The following MGAT5B variants were observed in gnomAD, a reference collection of about 807,000 sequenced individuals.
MGAT5B encodes the protein alpha-1,6-mannosylglycoprotein 6-beta-N-acetylglucosaminyltransferase B.
Under a neutral mutation model 95.1 loss-of-function variants are expected in MGAT5B, and 54 were observed. The observed-to-expected ratio is 0.57, with a 90% CI of 0.46 to 0.71. MGAT5B has a LOEUF of 0.71. MGAT5B is among the 30% of genes least tolerant of loss of function. The pLI, the probability that MGAT5B is intolerant of heterozygous loss-of-function variation, is 0.00. For synonymous variants in MGAT5B, 464 were observed against 451.0 expected (o/e 1.03, Z -0.36); for missense variants, 935 against 1,088.6 (o/e 0.86, Z 1.99).
chr17:76,897,736 T>A (rs1364291854), intron 3 of MGAT5B, among the ~76,000 whole-genome samples: 1 of 95,626 alleles, frequency 1.0e-5, no homozygotes, highest in Non-Finnish European at 1.8e-5. Flanking sequence ...TTTTTCTTTT[T>A]TTTTTTTTTT....
At chr17:76,897,123 C>T (rs1968089571) in intron 3 of MGAT5B, among the ~76,000 whole-genome samples, 1 of 152,096 alleles carries the variant, frequency 6.6e-6, no homozygotes, top group Non-Finnish European at 1.5e-5. Flanking sequence ...CACTCTGTTG[C>T]TCAGGCTGGT....
At chr17:76,942,588 C>G (rs1567826666) in intron 15 of MGAT5B, among the ~76,000 whole-genome samples, 5 of 152,096 alleles carry the variant, frequency 3.3e-5, no homozygotes, top group Non-Finnish European at 7.4e-5. Flanking sequence ...GGAAGAGGGC[C>G]AGGTATTTGA....
chr17:76,895,395 C>T (rs1354137022), intron 3 of MGAT5B, among the ~76,000 whole-genome samples: 1 of 152,008 alleles, frequency 6.6e-6, no homozygotes, highest in African/African-American at 2.4e-5. Flanking sequence ...CCCCACTGCC[C>T]CTCTCCCTGG....
intron 12 of MGAT5B, among the ~76,000 whole-genome samples, chr17:76,935,401 T>C (rs778854276): frequency 1.7e-5 from 1 of 60,270 alleles, no homozygotes; most frequent in Non-Finnish European, 3.9e-5. Flanking sequence ...TGGTTAATAC[T>C]GTAGAAGTGT....
chr17:76,881,098 A>G (rs1410493262), intron 2 of MGAT5B, among the ~76,000 whole-genome samples: 2 of 152,046 alleles, frequency 1.3e-5, no homozygotes, highest in African/African-American at 2.4e-5. Flanking sequence ...CCAGCACCCT[A>G]TGGACTGTGT....
intron 2 of MGAT5B, among the ~76,000 whole-genome samples, chr17:76,876,756 A>C (rs573475930): frequency 6.6e-6 from 1 of 152,314 alleles, no homozygotes; most frequent in Admixed American, 6.5e-5. Context: ...TGTATTCTGC[A>C]CACTCATCTT....
intron 15 of MGAT5B, among the ~76,000 whole-genome samples, chr17:76,944,468 G>A (rs1392137299): frequency 1.3e-5 from 2 of 152,218 alleles, no homozygotes; most frequent in East Asian, 3.8e-4. Flanking sequence ...GGGGCTCAGA[G>A]GCTCCCAGGA....
At chr17:76,913,806 G>A (rs1242594073) in intron 8 of MGAT5B, 1 of 458,590 alleles carries the variant, frequency 2.2e-6, no homozygotes, top group Admixed American at 2.3e-5. Context: ...ACTGAAAAAT[G>A]TCCAAAGAAT....
At chr17:76,943,200 G>GA (rs1555601345) in intron 15 of MGAT5B, among the ~76,000 whole-genome samples, 1 of 151,196 alleles carries the variant, frequency 6.6e-6, no homozygotes, top group East Asian at 1.9e-4. Context: ...TTCCTGTTTG[G>GA]TTTTTTTTTA....
chr17:76,935,582 G>A (rs1476499958), intron 12 of MGAT5B, among the ~76,000 whole-genome samples: 5 of 136,682 alleles, frequency 3.7e-5, no homozygotes, highest in East Asian at 2.1e-4. Context: ...ATATTTTTGT[G>A]TGTTTATTTG....
intron 8 of MGAT5B, among the ~76,000 whole-genome samples, chr17:76,908,275 CTTTTT>C (rs5822149): frequency 9.7e-6 from 1 of 103,070 alleles, no homozygotes; most frequent in Non-Finnish European, 1.9e-5. Flanking sequence ...TTTCTTTCTT[CTTTTT>C]TTTTTTTTTT....
rs1246458746 is a variant in MGAT5B at position 76,870,631 on chromosome 17, T to A, written c.68+1534T>A. 6.6e-6 allele frequency among the ~76,000 whole-genome samples: 1 copy of A among 151,912 alleles called. No individual in the cohort carries two copies. The highest frequency in any genetic ancestry group is 1.5e-5 in the Non-Finnish European group (1 of 67,906). Reference sequence around the variant, plus strand: ...CCTGGTTTTCTTTCAGGCCCTTATCTGAAGGCAGGATTGGGGGTGGAGGTG... The same window carrying A: ...CCTGGTTTTCTTTCAGGCCCTTATCAGAAGGCAGGATTGGGGGTGGAGGTG... On this transcript the variant is annotated intron_variant, in intron 1 of 17. Transcript: ENST00000569840. This position sits in a 1 kb window ranked among gnomAD's most constrained non-coding sequence, Gnocchi z 5.0.
At chr17:76,913,615 C>T in intron 8 of MGAT5B, 2 of 458,036 alleles carry the variant, frequency 4.4e-6, no homozygotes, top group South Asian at 3.1e-5. Flanking sequence ...GATGGGAAAA[C>T]AGGCTTGAGG....
rs114722349 is a variant in MGAT5B at position 76,917,065 on chromosome 17, G to A, written c.1026-7901G>A. ...GTTTGAGTCAGCCTAGTTGTGCTAA[G>A]TCCAACGCCAGGTGGGAGGTTTCAC... On this transcript the variant is annotated intron_variant, in intron 8 of 17. Coordinates refer to ENST00000569840, the MANE Select transcript of MGAT5B (RefSeq NM_001199172.2). The surrounding 1 kb of genome is among the most constrained non-coding windows in gnomAD (Gnocchi z 6.1). Among the ~76,000 whole-genome samples, 529 of 152,338 alleles carry A rather than the reference G, an allele frequency of 3.5e-3. 2 individuals are homozygous for A. The highest frequency in any genetic ancestry group is 0.012 in the African/African-American group (501 of 41,578).
intron 3 of MGAT5B, among the ~76,000 whole-genome samples, chr17:76,897,245 A>T (rs1425768220): frequency 6.6e-6 from 1 of 151,942 alleles, no homozygotes; most frequent in Non-Finnish European, 1.5e-5. Context: ...TGGATTAAAA[A>T]CCATTTCCCC....
intron 15 of MGAT5B, among the ~76,000 whole-genome samples, chr17:76,945,821 T>TG (rs1227017534): frequency 6.6e-6 from 1 of 152,184 alleles, no homozygotes; most frequent in Non-Finnish European, 1.5e-5. Context: ...TGCCAGGCAC[T>TG]GGAGATTCAG....
Position 76,932,697 on chromosome 17 carries a change from G to C in MGAT5B, c.1344G>C (p.Glu448Asp). The change falls in exon 11 of 18, where the codon GAG becomes GAC. Residue 448 changes from glutamate (E) to aspartate (D), a missense_variant. Around this residue, in one of 4 missense-constraint regions of MGAT5B, gnomAD observed 440 missense variants for 523.6 expected, o/e 0.84. Coordinates refer to ENST00000569840, the MANE Select transcript of MGAT5B (RefSeq NM_001199172.2). Reference sequence around the variant, plus strand: ...GCTTCGTGTCCGAGGAGCTCAACGAGACGGAGAAGCGGCTCATCAAAGGCG... The same window carrying C: ...GCTTCGTGTCCGAGGAGCTCAACGACACGGAGAAGCGGCTCATCAAAGGCG... Reference protein sequence around the residue: ...FMGFVSEELNETEKRLIKGGK... With the variant: ...FMGFVSEELNDTEKRLIKGGK... The C allele has an allele frequency of 6.2e-7, 1 of 1,614,050 alleles. No homozygotes were observed. The highest frequency in any genetic ancestry group is 8.5e-7 in the Non-Finnish European group (1 of 1,179,978).
Position 76,914,365 on chromosome 17 carries a change from T to A in MGAT5B, c.1025+8178T>A, listed in dbSNP as rs1457243045. ...GGAGAAAGAGCGCAGGAGCAGGGGT[T>A]ACAGAATCGCAGGCAGGTGTGTTTG... On this transcript the variant is annotated intron_variant, in intron 8 of 17. Coordinates refer to ENST00000569840, the MANE Select transcript of MGAT5B (RefSeq NM_001199172.2). The surrounding 1 kb of genome is among the most constrained non-coding windows in gnomAD (Gnocchi z 5.1). Among the ~76,000 whole-genome samples the A allele has an allele frequency of 6.6e-6, 1 of 152,124 alleles. No individual in the cohort carries two copies. The highest frequency in any genetic ancestry group is 2.4e-5 in the African/African-American group (1 of 41,422).
intron 8 of MGAT5B, among the ~76,000 whole-genome samples, chr17:76,920,874 T>C (rs952797439): frequency 6.6e-6 from 1 of 152,210 alleles, no homozygotes; most frequent in African/African-American, 2.4e-5. Context: ...CTATTAAACA[T>C]TGAAACCAGT....
Sources: gnomAD v4.1 joint callset for allele counts (sites outside exome capture counted in the v4.1 genomes callset) on GRCh38, gnomAD v4.1.1 for gene constraint, gnomAD v4.1.1 regional missense constraint, Gnocchi (gnomAD v3.1) non-coding constraint, MANE v1.5 for transcripts, NCBI Gene and HGNC (gene_info 2026-07-23, HGNC 2026-07-21) for gene names.